The following ZNF821 variants were observed in gnomAD, a reference collection of about 807,000 sequenced individuals.
The protein encoded by ZNF821 is zinc finger protein 821.
Under a neutral mutation model 44.3 loss-of-function variants are expected in ZNF821, and 16 were observed. The ratio of observed to expected loss-of-function variants is 0.36; its 90% CI spans 0.24 to 0.55. The LOEUF (loss-of-function observed/expected upper bound fraction) is 0.55. Among genes scored for constraint, ZNF821 ranks in the 20% least tolerant of loss-of-function variants. ZNF821 has a pLI of 0.86. For synonymous variants in ZNF821, 204 were observed against 197.6 expected, an observed-to-expected ratio of 1.03 and a Z score of -0.27; for missense variants, 436 against 547.6, an observed-to-expected ratio of 0.80 and a Z score of 2.03.
chr16:71,864,808 C>T, intron 5 of ZNF821, 95 bp downstream of exon 5: 1 of 1,514,262 alleles, frequency 6.6e-7, no homozygotes. Context: ...AGGAGACCAT[C>T]AGAGGCAAGA....
intron 3 of ZNF821, among the ~76,000 whole-genome samples, chr16:71,879,169 C>T (rs1182468561): frequency 2.0e-5 from 3 of 152,136 alleles, no homozygotes; most frequent in Non-Finnish European, 2.9e-5. Context: ...CAGCCTTCCA[C>T]GTGTAGAGTT....
chr16:71,873,767 C>T (rs2035486540), intron 3 of ZNF821, among the ~76,000 whole-genome samples: 1 of 151,972 alleles, frequency 6.6e-6, no homozygotes, highest in African/African-American at 2.4e-5. Context: ...AATCCTCTCA[C>T]CTCAACCTCC....
At chr16:71,894,432 G>C (rs1223490105) in intron 1 of ZNF821, 1 of 160,554 alleles carries the variant, frequency 6.2e-6, no homozygotes, top group East Asian at 1.8e-4. Flanking sequence ...CTTTAGTAGA[G>C]ACGGGGTTCC....
At chr16:71,866,686 CAGA>C (rs745523840) in intron 4 of ZNF821, among the ~76,000 whole-genome samples, 5 of 152,174 alleles carry the variant, frequency 3.3e-5, no homozygotes, top group Non-Finnish European at 5.9e-5. Context: ...TAGATGTTTG[CAGA>C]TATTGTAATT....
chr16:71,880,529 A>C (rs550330611), intron 2 of ZNF821: 29 of 152,432 alleles, frequency 1.9e-4, no homozygotes, highest in African/African-American at 5.8e-4. Flanking sequence ...TGCGAGACAG[A>C]AAATGTCTCA....
upstream of ZNF821, among the ~76,000 whole-genome samples, chr16:71,884,414 G>T (rs1014998606): frequency 6.6e-6 from 1 of 151,954 alleles, no homozygotes; most frequent in African/African-American, 2.4e-5. Context: ...TCTTTCTCTG[G>T]CTGTCTCAGC....
At chr16:71,885,428 A>C (rs373949769), upstream of ZNF821, 1 of 152,256 alleles carries the variant, frequency 6.6e-6, no homozygotes, top group Non-Finnish European at 1.5e-5. Flanking sequence ...TCAAATGGAT[A>C]ATGATGCAAT....
rs1027134777 is a variant in ZNF821 at position 71,860,789 on chromosome 16, G to A, written c.585-117C>T. 9 of 986,940 alleles carry A rather than the reference G, an allele frequency of 9.1e-6. No homozygotes were observed. The highest frequency in any genetic ancestry group is 8.2e-5 in the African/African-American group (5 of 60,916). The allele number at this position is 986,940 out of a possible 1,614,324, so 61.1% of individuals were successfully genotyped here. A position where few individuals can be genotyped will look rare whatever the true frequency, so the allele number is the denominator to read the frequency against. ...GCTCCACGCTCACCACAAGGGGTCAGTTTGAATGCTTGGTGGACCTCTTCT... is the reference window on the plus strand; with the variant it reads ...GCTCCACGCTCACCACAAGGGGTCAATTTGAATGCTTGGTGGACCTCTTCT... On this transcript the variant is annotated intron_variant, in intron 7 of 7. Transcript: ENST00000425432. This position sits in a 1 kb window ranked among gnomAD's most constrained non-coding sequence, Gnocchi z 7.3.
chr16:71,882,467 G>A (rs1025828594), intron 2 of ZNF821, among the ~76,000 whole-genome samples: 1 of 152,068 alleles, frequency 6.6e-6, no homozygotes, highest in Non-Finnish European at 1.5e-5. Context: ...TCTGAAGGAA[G>A]GCCAAATAAT....
At chr16:71,875,170 C>A (rs1252888760) in intron 3 of ZNF821, among the ~76,000 whole-genome samples, 1 of 152,214 alleles carries the variant, frequency 6.6e-6, no homozygotes, top group Non-Finnish European at 1.5e-5. Context: ...CAAAGTCCCA[C>A]CTACTCCACC....
At chr16:71,886,606 T>C (rs909615610), upstream of ZNF821, among the ~76,000 whole-genome samples, 2 of 152,238 alleles carry the variant, frequency 1.3e-5, no homozygotes, top group Non-Finnish European at 1.5e-5. Context: ...TAGGGCTCTA[T>C]ATTCCAACAA....
At chr16:71,887,404 T>C (rs775214957), upstream of ZNF821, among the ~76,000 whole-genome samples, 1 of 151,656 alleles carries the variant, frequency 6.6e-6, no homozygotes, top group Non-Finnish European at 1.5e-5. Flanking sequence ...GGACTACAGG[T>C]GCCCGCCACC....
rs1195632504 is a variant in ZNF821 at position 71,883,156 on chromosome 16, G to T, written c.-78+55C>A. The T allele has an allele frequency of 8.8e-6, 4 of 456,412 alleles. No homozygotes were observed. In the East Asian group the frequency reaches 2.8e-4, roughly 32 times the overall value. 28.3% of individuals were successfully genotyped at this position (456,412 alleles called of 1,614,324 possible). A position where few individuals can be genotyped will look rare whatever the true frequency, so the allele number is the denominator to read the frequency against. ...CGTCTAGGGCACACCACAGACTTTG[G>T]CAAGAAAAAAAACGAGTGAAATCTC... is the stretch of plus-strand genomic sequence containing the variant. On this transcript the variant is annotated intron_variant, in intron 2 of 7. Transcript: ENST00000425432.
At chr16:71,886,969 A>C (rs2036860643), upstream of ZNF821, among the ~76,000 whole-genome samples, 1 of 152,220 alleles carries the variant, frequency 6.6e-6, no homozygotes, top group South Asian at 2.1e-4. Context: ...GGCTTTTGTC[A>C]CTTAATAGGT....
Position 71,864,179 on chromosome 16 carries a change from C to T in ZNF821, c.376G>A (p.Asp126Asn), listed in dbSNP as rs1369867164. The change falls in exon 6 of 8, where the codon GAC (aspartate) becomes AAC (asparagine). Residue 126 changes from aspartate (D) to asparagine (N), a missense_variant. Coordinates refer to ENST00000425432, the MANE Select transcript of ZNF821 (RefSeq NM_001201552.2). ...ELCQCPLCQL[D>N]CGSREQLIAH... ...ATCAACTGCTCCCGGCTCCCGCAGTCTAGCTGGCAGAGGGGACACTGGCAG... is the reference window on the plus strand; with the variant it reads ...ATCAACTGCTCCCGGCTCCCGCAGTTTAGCTGGCAGAGGGGACACTGGCAG... 1.2e-6 allele frequency: 2 copies of T among 1,614,246 alleles called. No homozygotes were observed. The highest frequency in any genetic ancestry group is 2.2e-5 in the South Asian group (2 of 91,086).
intron 4 of ZNF821, among the ~76,000 whole-genome samples, chr16:71,865,412 AC>A (rs2142368299): frequency 6.6e-6 from 1 of 152,256 alleles, no homozygotes; most frequent in Admixed American, 6.5e-5. Context: ...CCTCTGACTT[AC>A]CAACACTTTC....
chr16:71,887,624 T>C (rs2036866452), upstream of ZNF821, among the ~76,000 whole-genome samples: 1 of 152,190 alleles, frequency 6.6e-6, no homozygotes, highest in Non-Finnish European at 1.5e-5. Flanking sequence ...CCATTTTATA[T>C]TCCTATCAGC....
chr16:71,879,388 T>C (rs924991845), intron 3 of ZNF821, among the ~76,000 whole-genome samples: 2 of 152,130 alleles, frequency 1.3e-5, no homozygotes, highest in Non-Finnish European at 2.9e-5. Flanking sequence ...TTCAGGCGCA[T>C]GGTCTAGAGG....
intron 4 of ZNF821, among the ~76,000 whole-genome samples, chr16:71,867,452 C>T (rs1402646608): frequency 6.6e-6 from 1 of 152,048 alleles, no homozygotes; most frequent in Non-Finnish European, 1.5e-5. Flanking sequence ...TTTGGGAGGC[C>T]GAGGTGAGTG....
Sources: gnomAD v4.1 joint callset for allele counts (sites outside exome capture counted in the v4.1 genomes callset) on GRCh38, gnomAD v4.1.1 for gene constraint, Gnocchi (gnomAD v3.1) non-coding constraint, MANE v1.5 for transcripts, NCBI Gene and HGNC (gene_info 2026-07-23, HGNC 2026-07-21) for gene names.